The following USP8 variants were observed in gnomAD, a reference collection of about 807,000 sequenced individuals.
USP8 encodes ubiquitin carboxyl-terminal hydrolase 8.
A neutral mutation model predicts 130.0 loss-of-function variants in USP8; 27 were observed. That is an observed-to-expected ratio of 0.21 (90% CI 0.15 to 0.29). USP8 has a LOEUF of 0.29. USP8 is among the 10% of genes least tolerant of loss of function. The pLI, the probability that USP8 is intolerant of heterozygous loss-of-function variation, is 1.00. For synonymous variants in USP8, 392 were observed against 444.1 expected (o/e 0.88, Z 1.48); for missense variants, 1,029 against 1,312.2 (o/e 0.78, Z 3.33).
rs777302105 is a variant in USP8 at position 50,495,851 on chromosome 15, G to A, written c.2662G>A (p.Asp888Asn). The change falls in exon 17 of 20, where the codon GAT becomes AAT. Residue 888 changes from aspartate to asparagine, a missense_variant. Around this residue, in one of 4 missense-constraint regions of USP8, gnomAD observed 257 missense variants for 429.8 expected, o/e 0.60. Coordinates refer to ENST00000307179, the MANE Select transcript of USP8 (RefSeq NM_005154.5). ...DGLHEDLNKA[D>N]NRKRYKEENN... Reference sequence around the variant, plus strand: ...GCTTAAATCATTTTATTTCCAGGCTGATAATCGGAAGAGATATAAAGAAGA... The same window carrying A: ...GCTTAAATCATTTTATTTCCAGGCTAATAATCGGAAGAGATATAAAGAAGA... 11 of 1,608,486 alleles carry A rather than the reference G, an allele frequency of 6.8e-6. No homozygotes were observed. Among genetic ancestry groups the A allele is most frequent in the South Asian group, 6.6e-5 (6 of 90,418 alleles).
In USP8 at chr15:50,462,279, G is replaced by T; in HGVS notation, c.499-1G>T. ...AACTTTTTTTTTTTCCTATGCAATA[G>T]AGCAATGGTGAAAAGAATGAAAAAT... is the stretch of plus-strand genomic sequence containing the variant. On this transcript the variant is annotated splice_acceptor_variant, in intron 5 of 19. Transcript: ENST00000307179. LOFTEE classifies it high-confidence loss of function. 1 of 1,600,544 alleles carries T rather than the reference G, an allele frequency of 6.2e-7. No individual in the cohort carries two copies. Among genetic ancestry groups the T allele is most frequent in the South Asian group, 1.1e-5 (1 of 87,344 alleles).
rs1338597756 is a variant in USP8, at chr15:50,459,253, T to G, written c.498+91T>G. The G allele has an allele frequency of 6.9e-6, 10 of 1,456,360 alleles. No individual in the cohort carries two copies. In the Admixed American group the frequency reaches 9.9e-5, roughly 14 times the overall value. 90.2% of individuals were successfully genotyped at this position (1,456,360 alleles called of 1,614,324 possible). A position where few individuals can be genotyped will look rare whatever the true frequency, so the allele number is the denominator to read the frequency against. On this transcript the variant is annotated intron_variant, in intron 5 of 19. Coordinates refer to ENST00000307179, the MANE Select transcript of USP8 (RefSeq NM_005154.5). ...AGTTGAGATACCACTATAAAGTTCTTTTAGGCAACAAGGATGAAATTTAAT... is the reference window on the plus strand; with the variant it reads ...AGTTGAGATACCACTATAAAGTTCTGTTAGGCAACAAGGATGAAATTTAAT...
At chr15:50,488,487 G>A (rs143248629) in intron 12 of USP8, among the ~76,000 whole-genome samples, 1 of 149,498 alleles carries the variant, frequency 6.7e-6, no homozygotes, top group African/African-American at 2.5e-5. Flanking sequence ...TGCCTCAAGC[G>A]ATCCTCCCAC....
intron 9 of USP8, 68 bp downstream of exon 9, chr15:50,477,061 A>G (rs1336239253): frequency 3.2e-6 from 5 of 1,568,924 alleles, no homozygotes; most frequent in Non-Finnish European, 4.3e-6. Context: ...TTTTCCCGGT[A>G]ACATTCTTGG....
chr15:50,508,551 ACT>A lies in USP8; in HGVS notation c.*9465_*9466del, dbSNP rs2141348351. On this transcript the variant is annotated 3_prime_UTR_variant, in exon 20 of 20. Coordinates refer to ENST00000307179, the MANE Select transcript of USP8 (RefSeq NM_005154.5). The stretch of plus-strand genomic sequence containing the variant: ...TAGACTGAGTGTTAATACACTGGAC[ACT>A]CAGTTTAAAACATTAAAACATAACA... The A allele has an allele frequency of 6.6e-6, 1 of 152,318 alleles. No homozygotes were observed. The highest frequency in any genetic ancestry group is 6.5e-5 in the Admixed American group (1 of 15,290). 9.4% of individuals were successfully genotyped at this position (152,318 alleles called of 1,614,324 possible). A position where few individuals can be genotyped will look rare whatever the true frequency, so the allele number is the denominator to read the frequency against.
In USP8 at chr15:50,484,329, A is replaced by G. The variant is rs1217418722; in HGVS notation, c.1858A>G (p.Arg620Gly). The G allele has an allele frequency of 6.2e-7, 1 of 1,612,692 alleles. No individual in the cohort carries two copies. Among genetic ancestry groups the G allele is most frequent in the Non-Finnish European group, 8.5e-7 (1 of 1,179,532 alleles). Residue 620 changes from arginine to glycine, a missense_variant, in exon 12 of 20, where the codon AGA (arginine) becomes GGA (glycine). Physicochemically the swap from Arg to Gly is moderately radical, Grantham distance 125. This residue lies in a region of USP8 where 486 missense variants were observed against 522.0 expected (regional missense o/e 0.93). Coordinates refer to ENST00000307179, the MANE Select transcript of USP8 (RefSeq NM_005154.5). The stretch of plus-strand genomic sequence containing the variant: ...TGGAATTCTAAGGACAGGAACTTTT[A>G]GAGAGGATACAGACGATACCGAAAG... ...ESGILRTGTF[R>G]EDTDDTERNK...
At chr15:50,485,615 A>G (rs2051936390) in intron 12 of USP8, among the ~76,000 whole-genome samples, 1 of 125,894 alleles carries the variant, frequency 7.9e-6, no homozygotes, top group African/African-American at 3.1e-5. Flanking sequence ...CATTAATACA[A>G]TCCAATTTTA....
chr15:50,448,960 G>A (rs2050526286), intron 3 of USP8, among the ~76,000 whole-genome samples: 1 of 152,144 alleles, frequency 6.6e-6, no homozygotes, highest in African/African-American at 2.4e-5. Context: ...AGTACAGGTG[G>A]AAGCAAAAAT....
chr15:50,511,388 G>C lies in USP8; in HGVS notation c.*12300G>C, dbSNP rs1225391523. The C allele has an allele frequency of 6.6e-6, 1 of 152,116 alleles. No homozygotes were observed. The highest frequency in any genetic ancestry group is 2.4e-5 in the African/African-American group (1 of 41,430). 9.4% of individuals were successfully genotyped at this position (152,116 alleles called of 1,614,324 possible). A position where few individuals can be genotyped will look rare whatever the true frequency, so the allele number is the denominator to read the frequency against. ...TGGCAGTTCCTCAAAAAATTAACCAGAGTTACCATATGACCCAGAAATTTC... is the reference window on the plus strand; with the variant it reads ...TGGCAGTTCCTCAAAAAATTAACCACAGTTACCATATGACCCAGAAATTTC... On this transcript the variant is annotated 3_prime_UTR_variant, in exon 20 of 20. Transcript: ENST00000307179.
chr15:50,424,949 C>G (rs2049658337), intron 1 of USP8, among the ~76,000 whole-genome samples: 1 of 151,974 alleles, frequency 6.6e-6, no homozygotes, highest in African/African-American at 2.4e-5. Context: ...TTTAAAGACC[C>G]TATAAGCTTG....
chr15:50,494,408 T>C lies in USP8; in HGVS notation c.2658+128T>C, dbSNP rs957069749. The C allele has an allele frequency of 3.6e-5, 26 of 728,660 alleles. No individual in the cohort carries two copies. The African/African-American group carries it at 4.3e-4, about 12-fold the overall frequency. 45.1% of individuals were successfully genotyped at this position (728,660 alleles called of 1,614,324 possible). ...CTTGTTTATTCAAATAGTGACTGTATAAGAGAATTATAAAACATCAGGTAA... is the reference window on the plus strand; with the variant it reads ...CTTGTTTATTCAAATAGTGACTGTACAAGAGAATTATAAAACATCAGGTAA... On this transcript the variant is annotated intron_variant, in intron 16 of 19. Coordinates refer to ENST00000307179, the MANE Select transcript of USP8 (RefSeq NM_005154.5).
intron 8 of USP8, among the ~76,000 whole-genome samples, chr15:50,474,715 C>T (rs1162676811): frequency 6.6e-6 from 1 of 152,068 alleles, no homozygotes; most frequent in African/African-American, 2.4e-5. Flanking sequence ...AATGAATAGA[C>T]GATATAAATG....
chr15:50,468,445 G>A (rs544337640), intron 7 of USP8, among the ~76,000 whole-genome samples: 4 of 151,692 alleles, frequency 2.6e-5, no homozygotes, highest in Non-Finnish European at 5.9e-5. Context: ...GTTTCACTAT[G>A]TTGGCCAGGC....
At chr15:50,494,306 G>A in intron 16 of USP8, 26 bp downstream of exon 16, 3 of 1,577,630 alleles carry the variant, frequency 1.9e-6, no homozygotes, top group Non-Finnish European at 2.6e-6. Flanking sequence ...TTTCTAAGTT[G>A]CAGAGACTCT....
chr15:50,433,806 C>A (rs535317597), intron 1 of USP8, among the ~76,000 whole-genome samples: 5 of 152,070 alleles, frequency 3.3e-5, no homozygotes, highest in Admixed American at 2.0e-4. Flanking sequence ...GGGGTTTCAC[C>A]GTGTTAGCCA....
At chr15:50,472,833 C>T (rs8035874) in intron 8 of USP8, among the ~76,000 whole-genome samples, 46,877 of 151,706 alleles carry the variant, frequency 0.31, 7,997 homozygotes, top group Non-Finnish European at 0.38. Flanking sequence ...TCGATTGAAC[C>T]CGGGAGGTGG....
rs578182045 is a variant in USP8, at chr15:50,479,648, T to G, written c.1219-1833T>G. Among the ~76,000 whole-genome samples the G allele has an allele frequency of 2.4e-4, 36 of 152,304 alleles. No individual in the cohort carries two copies. The South Asian group carries it at 2.9e-3, about 12-fold the overall frequency. The stretch of plus-strand genomic sequence containing the variant: ...ACCTCATCCCCATAGTGGTTCTTCC[T>G]ACTTTATTCTCAAATACATGCAAAA... On this transcript the variant is annotated intron_variant, in intron 10 of 19. Transcript: ENST00000307179.
At chr15:50,449,085 T>C (rs2050529621) in intron 3 of USP8, among the ~76,000 whole-genome samples, 1 of 152,218 alleles carries the variant, frequency 6.6e-6, no homozygotes, top group African/African-American at 2.4e-5. Flanking sequence ...AAATATACTT[T>C]ATTCTTGAAA....
intron 1 of USP8, among the ~76,000 whole-genome samples, chr15:50,433,229 G>A (rs934021380): frequency 2.0e-5 from 3 of 146,568 alleles, no homozygotes; most frequent in East Asian, 1.9e-4. Flanking sequence ...GTGAGACTCC[G>A]TCTCCAAAAA....
Sources: allele counts gnomAD v4.1 joint callset (sites outside exome capture counted in the v4.1 genomes callset), GRCh38; gene constraint gnomAD v4.1.1; regional missense constraint gnomAD v4.1.1; transcripts MANE v1.5; gene names NCBI Gene and HGNC (gene_info 2026-07-23, HGNC 2026-07-21).